Variants in STOX2 observed in about 807,000 individuals in gnomAD.
The protein encoded by STOX2 is storkhead box 2.
In STOX2, 28 loss-of-function variants were observed where a neutral mutation model predicts 60.9. The observed-to-expected ratio is 0.46, with a 90% CI of 0.34 to 0.63. The LOEUF (loss-of-function observed/expected upper bound fraction) is 0.63. STOX2 is among the 30% of genes least tolerant of loss of function. STOX2 has a pLI of 0.01. For missense variants in STOX2, 1,024 were observed against 1,187.7 expected (o/e 0.86, Z 2.03); for synonymous variants, 472 against 463.9 (o/e 1.02, Z -0.22).
chr4:183,897,329 G>A (rs904474487), intron 1 of STOX2, among the ~76,000 whole-genome samples: 1 of 152,228 alleles, frequency 6.6e-6, no homozygotes, highest in Admixed American at 6.5e-5. Flanking sequence ...CTCTGTGAGA[G>A]CATGCCTGGG....
intron 1 of STOX2, among the ~76,000 whole-genome samples, chr4:183,911,860 G>C (rs1741790175): frequency 6.6e-6 from 1 of 152,224 alleles, no homozygotes. Context: ...ATCAGTGATA[G>C]AGTGTGTGAT....
chr4:183,868,244 G>A (rs915649152), intron 1 of STOX2, among the ~76,000 whole-genome samples: 10 of 152,064 alleles, frequency 6.6e-5, no homozygotes, highest in African/African-American at 2.4e-4. Flanking sequence ...GAATACCAGA[G>A]AGCCATGGAC....
chr4:183,873,145 AT>A lies in STOX2; in HGVS notation c.364+75091del, dbSNP rs577501169. Among the ~76,000 whole-genome samples, 17 of 152,288 alleles carry A rather than the reference AT, an allele frequency of 1.1e-4. No individual in the cohort carries two copies. The South Asian group carries it at 3.5e-3, about 32-fold the overall frequency. ...CTATAAGCATTTTTGTGTTGGGCAC[AT>A]ATAAAAATTGGGAGGATTGGGCTGG... On this transcript the variant is annotated intron_variant, in intron 1 of 2. Transcript: ENST00000513034.
chr4:183,995,185 G>A (rs766248065), intron 1 of STOX2, among the ~76,000 whole-genome samples: 3 of 152,014 alleles, frequency 2.0e-5, no homozygotes, highest in Non-Finnish European at 4.4e-5. Flanking sequence ...TCCCAGGAGC[G>A]GTGCTGGTCT....
chr4:183,831,177 C>T (rs933447012), intron 1 of STOX2, among the ~76,000 whole-genome samples: 1 of 151,944 alleles, frequency 6.6e-6, no homozygotes, highest in African/African-American at 2.4e-5. Flanking sequence ...TTGTTTATTG[C>T]TAAAGGTCTA....
In STOX2 at chr4:184,009,363, C is replaced by T. The variant is rs377469015; in HGVS notation, c.525C>T (p.Pro175=). 4.7e-5 allele frequency: 76 copies of T among 1,613,870 alleles called. No homozygotes were observed. The highest frequency in any genetic ancestry group is 4.0e-4 in the Admixed American group (24 of 60,004). Residue 175 remains proline (P), a synonymous_variant, in exon 3 of 4, where the codon CCC becomes CCT. Coordinates refer to ENST00000308497, the MANE Select transcript of STOX2 (RefSeq NM_020225.3). This position sits in a 1 kb window ranked among gnomAD's most constrained non-coding sequence, Gnocchi z 4.0. ...PDRSQCTSPQ[P]GTITPSASGC... The stretch of plus-strand genomic sequence containing the variant: ...GGTCTCAGTGCACCTCTCCGCAACC[C>T]GGGACCATCACGCCCTCTGCCTCAG...
intron 1 of STOX2, among the ~76,000 whole-genome samples, chr4:183,884,846 C>T (rs567808358): frequency 2.6e-4 from 40 of 152,060 alleles, no homozygotes; most frequent in Non-Finnish European, 5.1e-4. Flanking sequence ...AGTGGGATCC[C>T]GGGAGTGAGA....
At position 183,917,502 on chromosome 4, in the gene STOX2, C is replaced by T. The variant is rs1056996781; in HGVS notation, c.166+10546C>T. On this transcript the variant is annotated intron_variant, in intron 1 of 3. Transcript: ENST00000308497. The stretch of plus-strand genomic sequence containing the variant: ...AGAGCTTGTGATTGGAATGTGCGTT[C>T]TGTTAACCTAGTGAACTCATTTGGA... Among the ~76,000 whole-genome samples the T allele has an allele frequency of 2.6e-5, 4 of 152,228 alleles. No individual in the cohort carries two copies. In the East Asian group the frequency reaches 7.7e-4, roughly 29 times the overall value.
intron 1 of STOX2, among the ~76,000 whole-genome samples, chr4:183,866,740 G>A (rs77230143): frequency 2.0e-5 from 3 of 152,048 alleles, no homozygotes. Flanking sequence ...GGTGCCAGGC[G>A]CAGTGGCTTA....
intron 1 of STOX2, among the ~76,000 whole-genome samples, chr4:183,974,805 C>A (rs28787087): frequency 6.6e-6 from 1 of 152,018 alleles, no homozygotes; most frequent in African/African-American, 2.4e-5. Flanking sequence ...GATAGAATAG[C>A]GGTAAGGATA....
At chr4:184,007,760 C>T (rs774620344) in intron 2 of STOX2, among the ~76,000 whole-genome samples, 5 of 152,182 alleles carry the variant, frequency 3.3e-5, no homozygotes, top group African/African-American at 4.8e-5. Context: ...TTACGGATGG[C>T]CACCTTCTGT....
intron 1 of STOX2, among the ~76,000 whole-genome samples, chr4:183,844,871 C>T (rs1238309953): frequency 6.6e-6 from 1 of 152,054 alleles, no homozygotes; most frequent in Non-Finnish European, 1.5e-5. Context: ...GGACTCTGAC[C>T]CCAAGGCTAA....
Position 184,010,665 on chromosome 4 carries a change from G to A in STOX2, c.1827G>A (p.Thr609=), listed in dbSNP as rs4861597. Residue 609 remains threonine, a synonymous_variant, in exon 3 of 4, where the codon ACG becomes ACA. Transcript: ENST00000308497. The surrounding 1 kb of genome is among the most constrained non-coding windows in gnomAD (Gnocchi z 4.5). The part of the protein sequence containing the change: ...DYFQCNTSSE[T]VLTAPSPLGK... ...TCCAGTGCAACACCTCTAGTGAGAC[G>A]GTGCTCACGGCACCATCACCTCTGG... is the stretch of plus-strand genomic sequence containing the variant. The A allele has an allele frequency of 0.29, 471,643 of 1,613,576 alleles. 75,408 individuals carry two copies. Among genetic ancestry groups the A allele is most frequent in the East Asian group, 0.63 (28,153 of 44,834 alleles).
chr4:183,832,828 C>A (rs569761492), intron 1 of STOX2, among the ~76,000 whole-genome samples: 37 of 152,240 alleles, frequency 2.4e-4, no homozygotes, highest in Middle Eastern at 3.4e-3. Flanking sequence ...TAGGCTCTTC[C>A]TCTGACTCTC....
intron 1 of STOX2, among the ~76,000 whole-genome samples, chr4:183,934,286 G>C (rs1330818245): frequency 6.6e-6 from 1 of 152,050 alleles, no homozygotes; most frequent in Non-Finnish European, 1.5e-5. Flanking sequence ...TTGGGTAACA[G>C]AGTGAGACTC....
At chr4:183,801,292 C>A (rs914367983) in intron 1 of STOX2, among the ~76,000 whole-genome samples, 1 of 152,154 alleles carries the variant, frequency 6.6e-6, no homozygotes, top group Non-Finnish European at 1.5e-5. Flanking sequence ...AAAGTTTGGA[C>A]TTTTGATTTT....
chr4:183,877,129 T>C (rs1259420157), intron 1 of STOX2, among the ~76,000 whole-genome samples: 1 of 152,180 alleles, frequency 6.6e-6, no homozygotes, highest in Non-Finnish European at 1.5e-5. Flanking sequence ...AAAAAAATTA[T>C]ATGTGGGCAG....
chr4:183,814,727 G>A (rs1238082294), intron 1 of STOX2, among the ~76,000 whole-genome samples: 1 of 152,214 alleles, frequency 6.6e-6, no homozygotes, highest in East Asian at 1.9e-4. Context: ...GTGCCAGCCT[G>A]TGGCCAGCAT....
intron 1 of STOX2, among the ~76,000 whole-genome samples, chr4:183,962,553 G>A (rs1335248697): frequency 6.6e-6 from 1 of 152,200 alleles, no homozygotes; most frequent in Non-Finnish European, 1.5e-5. Flanking sequence ...TTGAAGAGGA[G>A]CAATGGCAAG....
Sources: gnomAD v4.1 joint callset for allele counts (sites outside exome capture counted in the v4.1 genomes callset) on GRCh38, gnomAD v4.1.1 for gene constraint, Gnocchi (gnomAD v3.1) non-coding constraint, MANE v1.5 for transcripts, NCBI Gene and HGNC (gene_info 2026-07-23, HGNC 2026-07-21) for gene names.